Variants in GRM7 observed in about 807,000 individuals in gnomAD.
GRM7 encodes the protein metabotropic glutamate receptor 7.
In GRM7, 35 loss-of-function variants were observed where a neutral mutation model predicts 84.5. The observed-to-expected ratio is 0.41, with a 90% CI of 0.32 to 0.55. GRM7 has a LOEUF of 0.55. Among genes scored for constraint, GRM7 ranks in the 20% least tolerant of loss-of-function variants. GRM7 has a pLI of 0.19. For missense variants in GRM7, 1,003 were observed against 1,194.6 expected (o/e 0.84, Z 2.36); for synonymous variants, 487 against 455.1 (o/e 1.07, Z -0.89).
intron 4 of GRM7, among the ~76,000 whole-genome samples, chr3:7,355,522 C>T (rs1302119658): frequency 4.6e-5 from 7 of 152,044 alleles, no homozygotes; most frequent in South Asian, 4.1e-4. Context: ...GTTATAATTT[C>T]GTAGCAAAGA....
At chr3:6,951,421 A>T (rs75643272) in intron 1 of GRM7, among the ~76,000 whole-genome samples, 10,848 of 152,140 alleles carry the variant, frequency 0.071, 502 homozygotes, top group Middle Eastern at 0.12. Flanking sequence ...TAGGCATTTA[A>T]TGCTATAAAT....
chr3:7,460,820 A>G (rs1049050309), intron 6 of GRM7, among the ~76,000 whole-genome samples: 2 of 152,246 alleles, frequency 1.3e-5, no homozygotes, highest in Non-Finnish European at 2.9e-5. Flanking sequence ...ATACACAGTT[A>G]TATATTAAGT....
At chr3:7,036,429 G>T (rs1335604710) in intron 1 of GRM7, among the ~76,000 whole-genome samples, 1 of 152,098 alleles carries the variant, frequency 6.6e-6, no homozygotes, top group Non-Finnish European at 1.5e-5. Context: ...TTTTGAAAAT[G>T]GAGAAAGATA....
At chr3:7,450,056 T>A (rs1309099217) in intron 5 of GRM7, among the ~76,000 whole-genome samples, 2 of 151,980 alleles carry the variant, frequency 1.3e-5, no homozygotes, top group East Asian at 3.9e-4. Flanking sequence ...CAACTTAATC[T>A]CAAAGAGTTA....
chr3:7,283,610 T>A (rs574130634), intron 2 of GRM7, among the ~76,000 whole-genome samples: 1 of 152,234 alleles, frequency 6.6e-6, no homozygotes, highest in South Asian at 2.1e-4. Flanking sequence ...GGAGGGGGTT[T>A]TGATTGGATA....
At chr3:7,217,511 G>T (rs1449862439) in intron 2 of GRM7, among the ~76,000 whole-genome samples, 2 of 152,120 alleles carry the variant, frequency 1.3e-5, no homozygotes, top group African/African-American at 2.4e-5. Context: ...CACTTAGAAT[G>T]CATTTCAATA....
At chr3:7,428,778 T>C (rs1026181202) in intron 5 of GRM7, among the ~76,000 whole-genome samples, 1 of 152,158 alleles carries the variant, frequency 6.6e-6, no homozygotes, top group Non-Finnish European at 1.5e-5. Flanking sequence ...AGAATAATAA[T>C]AAGAAATTCA....
chr3:7,739,154 G>C (rs542174957), intron 9 of GRM7, among the ~76,000 whole-genome samples: 1 of 152,292 alleles, frequency 6.6e-6, no homozygotes, highest in South Asian at 2.1e-4. Flanking sequence ...GTTTGTCAGA[G>C]AATCCCAATT....
chr3:7,366,059 A>T (rs1004596801), intron 4 of GRM7, among the ~76,000 whole-genome samples: 9 of 151,664 alleles, frequency 5.9e-5, no homozygotes, highest in African/African-American at 2.2e-4. Flanking sequence ...GTGGACTGTG[A>T]GATCAAATTG....
intron 5 of GRM7, among the ~76,000 whole-genome samples, chr3:7,433,082 C>T (rs1475087284): frequency 6.6e-6 from 1 of 152,148 alleles, no homozygotes; most frequent in Non-Finnish European, 1.5e-5. Flanking sequence ...AAGAAACCTT[C>T]TATGGACACA....
chr3:7,334,111 C>T (rs966145969), intron 4 of GRM7, among the ~76,000 whole-genome samples: 1 of 151,980 alleles, frequency 6.6e-6, no homozygotes, highest in Non-Finnish European at 1.5e-5. Context: ...TCAAAGAACA[C>T]CCAGGAAATT....
chr3:7,396,076 T>C (rs1695201682), intron 4 of GRM7, among the ~76,000 whole-genome samples: 1 of 152,112 alleles, frequency 6.6e-6, no homozygotes, highest in Non-Finnish European at 1.5e-5. Context: ...AAAACCAATA[T>C]TTTATATTCT....
intron 1 of GRM7, among the ~76,000 whole-genome samples, chr3:6,949,746 T>C (rs893113211): frequency 2.2e-4 from 34 of 152,292 alleles, no homozygotes; most frequent in Admixed American, 1.8e-3. Flanking sequence ...TTGGAGGCTT[T>C]GTTTGTTTCG....
At position 7,404,197 on chromosome 3, in the gene GRM7, A is replaced by G. The variant is rs144586545; in HGVS notation, c.1034-10826A>G. 3.3e-5 allele frequency among the ~76,000 whole-genome samples: 5 copies of G among 152,318 alleles called. No homozygotes were observed. In the East Asian group the frequency reaches 9.6e-4, roughly 29 times the overall value. ...CTATGTCAGGGATAACTTCCTAGAA[A>G]GAGGGGCTCTATACAAATCAGTAGT... On this transcript the variant is annotated intron_variant, in intron 4 of 9. Transcript: ENST00000357716.
At chr3:7,566,897 T>C (rs1372644757) in intron 7 of GRM7, among the ~76,000 whole-genome samples, 2 of 152,218 alleles carry the variant, frequency 1.3e-5, no homozygotes, top group Non-Finnish European at 2.9e-5. Flanking sequence ...TTTACTTTTG[T>C]GGCCAACTAT....
At chr3:7,729,869 CTTTT>C (rs1168461157) in intron 9 of GRM7, among the ~76,000 whole-genome samples, 15 of 69,972 alleles carry the variant, frequency 2.1e-4, no homozygotes, top group South Asian at 1.5e-3. Flanking sequence ...CCACCTCCGG[CTTTT>C]TTTTTTTTTT....
At chr3:7,391,522 A>G (rs1694993528) in intron 4 of GRM7, among the ~76,000 whole-genome samples, 1 of 152,122 alleles carries the variant, frequency 6.6e-6, no homozygotes, top group Non-Finnish European at 1.5e-5. Flanking sequence ...GAACACTTGG[A>G]CACAGGGTGG....
rs565439305 is a variant in GRM7, at chr3:7,076,474, G to A, written c.520-69978G>A. Reference sequence around the variant, plus strand: ...TTTTTCCCCTGCTTTCCTGTCTCTCGCCTGCTGCCATGTAAGATGCACTTG... The same window carrying A: ...TTTTTCCCCTGCTTTCCTGTCTCTCACCTGCTGCCATGTAAGATGCACTTG... On this transcript the variant is annotated intron_variant, in intron 1 of 9. Transcript: ENST00000357716. 2.0e-5 allele frequency among the ~76,000 whole-genome samples: 3 copies of A among 152,152 alleles called. No individual in the cohort carries two copies. The East Asian group carries it at 5.8e-4, about 29-fold the overall frequency.
chr3:6,982,554 A>G (rs1694249598), intron 1 of GRM7, among the ~76,000 whole-genome samples: 1 of 152,100 alleles, frequency 6.6e-6, no homozygotes, highest in Admixed American at 6.5e-5. Flanking sequence ...TAATACATGT[A>G]TAGATCCATG....
Sources: allele counts gnomAD v4.1 joint callset (sites outside exome capture counted in the v4.1 genomes callset), GRCh38; gene constraint gnomAD v4.1.1; transcripts MANE v1.5; gene names NCBI Gene and HGNC (gene_info 2026-07-23, HGNC 2026-07-21).